Variants in PAK4 observed in about 807,000 individuals in gnomAD.
PAK4 encodes the protein serine/threonine-protein kinase PAK 4.
Under a neutral mutation model 53.5 loss-of-function variants are expected in PAK4, and 49 were observed. The observed-to-expected ratio is 0.92, with a 90% CI of 0.73 to 1.16. The LOEUF (loss-of-function observed/expected upper bound fraction) is 1.16, where lower values mean the gene tolerates loss of function less well. PAK4 is among the 50% of genes most tolerant of loss of function. PAK4 has a pLI of 0.00. For missense variants in PAK4, 824 were observed against 850.7 expected, an observed-to-expected ratio of 0.97 and a Z score of 0.39; for synonymous variants, 376 against 375.6, an observed-to-expected ratio of 1.00 and a Z score of -0.01.
chr19:39,132,569 C>T (rs1459210472), intron 1 of PAK4, among the ~76,000 whole-genome samples: 1 of 152,276 alleles, frequency 6.6e-6, no homozygotes, highest in Non-Finnish European at 1.5e-5. Flanking sequence ...CACAGCCATT[C>T]TGTGCTGATG....
In PAK4 at chr19:39,174,920, C is replaced by T. The variant is rs761696084; in HGVS notation, c.1099-11C>T. 1 of 1,613,554 alleles carries T rather than the reference C, an allele frequency of 6.2e-7. No individual in the cohort carries two copies. The highest frequency in any genetic ancestry group is 1.3e-5 in the African/African-American group (1 of 75,036). ...CCGCCTCCCTCCACCACTGACCCAG[C>T]CCCTGCACAGGTGGTAATCATGAGG... On this transcript the variant is annotated splice_polypyrimidine_tract_variant and intron_variant, in intron 4 of 8. Coordinates refer to ENST00000358301, the Ensembl canonical transcript of PAK4.
chr19:39,134,158 A>G (rs571760227), intron 1 of PAK4, among the ~76,000 whole-genome samples: 4 of 152,368 alleles, frequency 2.6e-5, no homozygotes, highest in African/African-American at 4.8e-5. Flanking sequence ...CTCAAATGCT[A>G]TATATATACA....
At chr19:39,169,742 G>T in exon 2 of PAK4, 1 of 1,602,434 alleles carries the variant, frequency 6.2e-7, no homozygotes, top group Non-Finnish European at 8.5e-7. Flanking sequence ...CCTCCATCCA[G>T]CCCGGGGCCC....
intron 1 of PAK4, chr19:39,167,954 T>A (rs2074406435): frequency 1.3e-5 from 2 of 152,390 alleles, no homozygotes; most frequent in Non-Finnish European, 2.9e-5. Flanking sequence ...GCATGTCCCC[T>A]CGTCCCCTGG....
At chr19:39,135,675 C>T (rs369497521) in intron 1 of PAK4, among the ~76,000 whole-genome samples, 5 of 152,054 alleles carry the variant, frequency 3.3e-5, no homozygotes, top group African/African-American at 1.2e-4. Context: ...TGGGGCCCAG[C>T]GACTGAAGGG....
chr19:39,145,921 C>T lies in PAK4; in HGVS notation c.-23+20002C>T, dbSNP rs555270712. ...CTGACCTGGGATTGCCACCCAGCTC[C>T]GCCACCTTCTAGCTGGACGGCCCTG... On this transcript the variant is annotated intron_variant, in intron 1 of 8. Transcript: ENST00000358301. Among the ~76,000 whole-genome samples the T allele has an allele frequency of 7.2e-5, 11 of 152,296 alleles. No individual in the cohort carries two copies. The South Asian group carries it at 1.5e-3, about 20-fold the overall frequency.
At chr19:39,129,586 A>G (rs1218095832) in intron 1 of PAK4, among the ~76,000 whole-genome samples, 2 of 151,950 alleles carry the variant, frequency 1.3e-5, no homozygotes, top group African/African-American at 4.8e-5. Flanking sequence ...CCTCACTGAA[A>G]CGATTTCCTC....
intron 2 of PAK4, among the ~76,000 whole-genome samples, chr19:39,171,586 G>T (rs1440471695): frequency 6.6e-6 from 1 of 152,238 alleles, no homozygotes; most frequent in African/African-American, 2.4e-5. Flanking sequence ...GCTTCAGGCA[G>T]ACAGCCACGG....
intron 1 of PAK4, among the ~76,000 whole-genome samples, chr19:39,152,616 G>A (rs777829139): frequency 6.6e-6 from 1 of 152,148 alleles, no homozygotes; most frequent in African/African-American, 2.4e-5. Flanking sequence ...AAGAATTTGT[G>A]CTGGGTTTAC....
intron 1 of PAK4, among the ~76,000 whole-genome samples, chr19:39,144,161 T>TAGA (rs1555775710): frequency 0.025 from 2,188 of 86,608 alleles, 27 homozygotes; most frequent in African/African-American, 0.055. Context: ...GATAGATAGA[T>TAGA]TAGATTAGAT....
At chr19:39,144,399 T>A (rs963196321) in intron 1 of PAK4, among the ~76,000 whole-genome samples, 3 of 152,216 alleles carry the variant, frequency 2.0e-5, no homozygotes, top group Non-Finnish European at 2.9e-5. Flanking sequence ...GTGGTCTCAC[T>A]GCTGTCCTGT....
chr19:39,159,987 C>T (rs1040385547), intron 1 of PAK4, among the ~76,000 whole-genome samples: 6 of 152,232 alleles, frequency 3.9e-5, no homozygotes, highest in Non-Finnish European at 8.8e-5. Flanking sequence ...TTGGCTTTTG[C>T]CAGGATACGC....
Position 39,175,730 on chromosome 19 carries a change from C to T in PAK4, c.1359+292C>T, listed in dbSNP as rs1271753288. Among the ~76,000 whole-genome samples the T allele has an allele frequency of 1.3e-5, 2 of 152,198 alleles. No individual in the cohort carries two copies. The highest frequency in any genetic ancestry group is 2.9e-5 in the Non-Finnish European group (2 of 68,032). On this transcript the variant is annotated intron_variant, in intron 6 of 8. Transcript: ENST00000358301. The surrounding 1 kb of genome is among the most constrained non-coding windows in gnomAD (Gnocchi z 4.7). ...GCGCAGCCCCCGCCACAGGCTTCTT[C>T]CTCCACTGAAAAGCTGCTCCCTGCC...
chr19:39,145,476 C>G (rs1228311307), intron 1 of PAK4, among the ~76,000 whole-genome samples: 1 of 152,044 alleles, frequency 6.6e-6, no homozygotes, highest in Non-Finnish European at 1.5e-5. Flanking sequence ...AGGAAAGCAG[C>G]TCTGTCCTGG....
intron 8 of PAK4, 113 bp downstream of exon 9, chr19:39,177,922 T>TAAC: frequency 1.6e-6 from 2 of 1,241,884 alleles, no homozygotes; most frequent in Non-Finnish European, 2.2e-6. Flanking sequence ...GGATGGCGCT[T>TAAC]ACTGTGTGCT....
chr19:39,150,716 C>A (rs2074080188), intron 1 of PAK4, among the ~76,000 whole-genome samples: 1 of 152,032 alleles, frequency 6.6e-6, no homozygotes, highest in African/African-American at 2.4e-5. Context: ...GTAGTGAGAC[C>A]TTGTCTCTAA....
rs193177400 is a variant in PAK4, at chr19:39,139,603, C to T, written c.-23+13684C>T. On this transcript the variant is annotated intron_variant, in intron 1 of 8. Transcript: ENST00000358301. ...GTGGGGGAAGGTGAGCCAGAGAGGGCCTTCTGGGTACTGCCCTCCCCCCAC... is the reference window on the plus strand; with the variant it reads ...GTGGGGGAAGGTGAGCCAGAGAGGGTCTTCTGGGTACTGCCCTCCCCCCAC... 4.6e-5 allele frequency among the ~76,000 whole-genome samples: 7 copies of T among 152,284 alleles called. No homozygotes were observed. The East Asian group carries it at 1.2e-3, about 25-fold the overall frequency.
At position 39,173,399 on chromosome 19, in the gene PAK4, GC is replaced by G; in HGVS notation, c.663+28del. On this transcript the variant is annotated intron_variant, in intron 3 of 8. Transcript: ENST00000358301. This position sits in a 1 kb window ranked among gnomAD's most constrained non-coding sequence, Gnocchi z 6.9. The stretch of plus-strand genomic sequence containing the variant: ...CAGGTAACCCATCCCCCGCCCCAGG[GC>G]CCCCACTGTCCCCTGCCCGTTGCTC... 1.3e-6 allele frequency: 2 copies of G among 1,491,266 alleles called. No individual in the cohort carries two copies. The highest frequency in any genetic ancestry group is 9.0e-7 in the Non-Finnish European group (1 of 1,115,004). 92.4% of individuals were successfully genotyped at this position (1,491,266 alleles called of 1,614,324 possible). A position where few individuals can be genotyped will look rare whatever the true frequency, so the allele number is the denominator to read the frequency against.
In PAK4 at chr19:39,178,947, C is replaced by T. The variant is rs564988446; in HGVS notation, c.*368C>T. 6.5e-5 allele frequency: 12 copies of T among 185,566 alleles called. No individual in the cohort carries two copies. Among genetic ancestry groups the T allele is most frequent in the South Asian group, 1.1e-4 (1 of 9,246 alleles). The allele number at this position is 185,566 out of a possible 1,614,324, so 11.5% of individuals were successfully genotyped here. ...GTGAACATGTATGAGTGTGTGCACG[C>T]GTGTGAGTGTGCATGTGTGTGTGTG... is the stretch of plus-strand genomic sequence containing the variant. On this transcript the variant is annotated 3_prime_UTR_variant, in exon 9 of 9. Coordinates refer to ENST00000358301, the Ensembl canonical transcript of PAK4. This position sits in a 1 kb window ranked among gnomAD's most constrained non-coding sequence, Gnocchi z 4.4.
Sources: gnomAD v4.1 joint callset for allele counts (sites outside exome capture counted in the v4.1 genomes callset) on GRCh38, gnomAD v4.1.1 for gene constraint, Gnocchi (gnomAD v3.1) non-coding constraint, MANE v1.5 for transcripts, NCBI Gene and HGNC (gene_info 2026-07-23, HGNC 2026-07-21) for gene names.